The following FOXJ3 variants were observed in gnomAD, a reference collection of about 807,000 sequenced individuals.
The protein encoded by FOXJ3 is forkhead box protein J3.
A neutral mutation model predicts 76.1 loss-of-function variants in FOXJ3; 22 were observed. The ratio of observed to expected loss-of-function variants is 0.29; its 90% CI spans 0.21 to 0.41. FOXJ3 has a LOEUF of 0.41. Ranked by LOEUF, FOXJ3 falls within the 10% of genes least tolerant of loss-of-function variation. FOXJ3 has a pLI of 1.00. For synonymous variants in FOXJ3, 269 were observed against 261.2 expected (o/e 1.03, Z -0.29); for missense variants, 613 against 762.1 (o/e 0.80, Z 2.30).
At chr1:42,199,981 T>G (rs1264725087) in intron 6 of FOXJ3, among the ~76,000 whole-genome samples, 1 of 117,580 alleles carries the variant, frequency 8.5e-6, no homozygotes. Context: ...CACTCCAGCC[T>G]GGTGACAGAG....
chr1:42,323,784 G>T, intron 1 of FOXJ3: 2 of 654,500 alleles, frequency 3.1e-6, no homozygotes, highest in Non-Finnish European at 3.8e-6. Flanking sequence ...GGATTATCTT[G>T]TGAAAGAAGG....
chr1:42,252,185 T>C (rs1650143422), intron 4 of FOXJ3, among the ~76,000 whole-genome samples: 1 of 152,166 alleles, frequency 6.6e-6, no homozygotes, highest in African/African-American at 2.4e-5. Flanking sequence ...TTGGAATAGT[T>C]TCAGAAGGAA....
At chr1:42,246,901 C>T (rs1430604644) in intron 4 of FOXJ3, among the ~76,000 whole-genome samples, 2 of 152,012 alleles carry the variant, frequency 1.3e-5, no homozygotes. Context: ...ATGGATGGAA[C>T]TGAAAGTATG....
chr1:42,232,229 G>C (rs1648206119), intron 4 of FOXJ3, among the ~76,000 whole-genome samples: 2 of 148,800 alleles, frequency 1.3e-5, no homozygotes, highest in Admixed American at 1.4e-4. Flanking sequence ...CCAAGTCCTT[G>C]CTATTGTGAA....
intron 4 of FOXJ3, 79 bp downstream of exon 4, chr1:42,265,036 T>A (rs1040449868): frequency 2.2e-6 from 2 of 909,388 alleles, no homozygotes; most frequent in South Asian, 2.6e-5. Context: ...TCCTATTCAA[T>A]GAACTGGAAA....
In FOXJ3 at chr1:42,179,261, T is replaced by G. The variant is rs1345001073; in HGVS notation, c.*449A>C. The G allele has an allele frequency of 6.5e-6, 1 of 152,710 alleles. No individual in the cohort carries two copies. Among genetic ancestry groups the G allele is most frequent in the Non-Finnish European group, 1.5e-5 (1 of 68,094 alleles). The allele number at this position is 152,710 out of a possible 1,614,324, so 9.5% of individuals were successfully genotyped here. On this transcript the variant is annotated 3_prime_UTR_variant, in exon 13 of 13. Coordinates refer to ENST00000361346, the MANE Select transcript of FOXJ3 (RefSeq NM_014947.5). ...TAAAAGCATCCTGCAGAAAATAGCCTAACAAGGAATAAAAACTGACAATAA... is the reference window on the plus strand; with the variant it reads ...TAAAAGCATCCTGCAGAAAATAGCCGAACAAGGAATAAAAACTGACAATAA...
intron 6 of FOXJ3, among the ~76,000 whole-genome samples, chr1:42,200,613 G>A (rs752485596): frequency 1.3e-5 from 2 of 152,048 alleles, no homozygotes; most frequent in Non-Finnish European, 2.9e-5. Context: ...AAAGTAGTTG[G>A]GATTACAGAT....
chr1:42,308,326 T>C (rs555669476), intron 2 of FOXJ3, among the ~76,000 whole-genome samples: 3 of 152,218 alleles, frequency 2.0e-5, no homozygotes, highest in South Asian at 2.1e-4. Flanking sequence ...GGTAGTGTAG[T>C]GTGCAGGGGC....
At chr1:42,190,104 G>T (rs767245232) in intron 9 of FOXJ3, among the ~76,000 whole-genome samples, 10 of 152,144 alleles carry the variant, frequency 6.6e-5, no homozygotes, top group Non-Finnish European at 1.2e-4. Context: ...GACATCAGAA[G>T]AGTTTAAGAC....
chr1:42,302,819 T>C (rs1447252802), intron 2 of FOXJ3, among the ~76,000 whole-genome samples: 1 of 152,128 alleles, frequency 6.6e-6, no homozygotes, highest in Non-Finnish European at 1.5e-5. Flanking sequence ...TCTTAGTATA[T>C]TCAGTGATGT....
At chr1:42,222,046 G>GAAGAAGA in intron 5 of FOXJ3, among the ~76,000 whole-genome samples, 1 of 9,026 alleles carries the variant, frequency 1.1e-4, no homozygotes, top group Admixed American at 9.3e-4. Context: ...GAAGGAGAAG[G>GAAGAAGA]AGAAGAAGAA....
intron 1 of FOXJ3, among the ~76,000 whole-genome samples, chr1:42,334,575 C>T (rs930097034): frequency 2.4e-4 from 36 of 152,232 alleles, no homozygotes; most frequent in African/African-American, 8.2e-4. Context: ...GCCTCCTCTC[C>T]CCAAAGGGCC....
rs1646551555 is a variant in FOXJ3 at position 42,191,691 on chromosome 1, G to C, written c.963C>G (p.Ser321=). The C allele has an allele frequency of 6.2e-7, 1 of 1,613,384 alleles. No individual in the cohort carries two copies. Among genetic ancestry groups the C allele is most frequent in the Non-Finnish European group, 8.5e-7 (1 of 1,179,406 alleles). The change falls in exon 9 of 13, where the codon TCC becomes TCG. Residue 321 remains serine (S), a synonymous_variant. Coordinates refer to ENST00000361346, the MANE Select transcript of FOXJ3 (RefSeq NM_014947.5). The part of the protein sequence containing the change: ...QGLMNIPSES[S]QQSHTSCTYQ... ...AGGTACATGAAGTGTGGGACTGCTG[G>C]GAAGATTCAGAAGGGATGTTCATCA...
chr1:42,309,455 C>T (rs1162904174), intron 2 of FOXJ3, among the ~76,000 whole-genome samples: 1 of 152,174 alleles, frequency 6.6e-6, no homozygotes, highest in Non-Finnish European at 1.5e-5. Context: ...TAGGACTGGC[C>T]TGTCTAAAAT....
intron 1 of FOXJ3, 184 bp downstream of exon 1, chr1:42,334,875 C>G (rs2124804422): frequency 6.6e-6 from 1 of 152,312 alleles, no homozygotes; most frequent in African/African-American, 2.4e-5. Flanking sequence ...CCCTCGGCGT[C>G]CGCCAGGCCC....
intron 9 of FOXJ3, 85 bp from the exon 10 acceptor site, chr1:42,189,489 T>G: frequency 1.1e-6 from 1 of 914,968 alleles, no homozygotes; most frequent in South Asian, 1.4e-5. Context: ...CCCTTATTCC[T>G]GAAATTGGCT....
intron 2 of FOXJ3, among the ~76,000 whole-genome samples, chr1:42,291,205 G>A (rs1653415034): frequency 6.6e-6 from 1 of 152,116 alleles, no homozygotes. Context: ...CTGCATGGGA[G>A]AAAAATTAAC....
At chr1:42,192,814 A>T (rs931613833) in intron 8 of FOXJ3, among the ~76,000 whole-genome samples, 2 of 152,038 alleles carry the variant, frequency 1.3e-5, no homozygotes, top group Non-Finnish European at 2.9e-5. Context: ...CAAGCTTTTT[A>T]AAAAAGATAA....
At chr1:42,273,736 A>T (rs11799403) in intron 3 of FOXJ3, among the ~76,000 whole-genome samples, 1,855 of 151,704 alleles carry the variant, frequency 0.012, 35 homozygotes, top group African/African-American at 0.042. Flanking sequence ...CAGATATTCC[A>T]AATTAGTACT....
Sources: gnomAD v4.1 joint callset for allele counts (sites outside exome capture counted in the v4.1 genomes callset) on GRCh38, gnomAD v4.1.1 for gene constraint, MANE v1.5 for transcripts, NCBI Gene and HGNC (gene_info 2026-07-23, HGNC 2026-07-21) for gene names.